The following SUZ12 variants were observed in gnomAD, a reference collection of about 807,000 sequenced individuals.
The protein encoded by SUZ12 is polycomb protein SUZ12.
SUZ12 carries 17 observed loss-of-function variants against 87.3 expected under a neutral mutation model. The observed-to-expected ratio is 0.19, with a 90% CI of 0.13 to 0.29. The LOEUF (loss-of-function observed/expected upper bound fraction) is 0.29. SUZ12 is among the 10% of genes least tolerant of loss of function. The pLI, the probability that SUZ12 is intolerant of heterozygous loss-of-function variation, is 1.00. For synonymous variants in SUZ12, 253 were observed against 312.4 expected (o/e 0.81, Z 2.01); for missense variants, 526 against 912.2 (o/e 0.58, Z 5.45).
At chr17:31,963,477 G>A (rs2142156899) in intron 4 of SUZ12, among the ~76,000 whole-genome samples, 1 of 150,886 alleles carries the variant, frequency 6.6e-6, no homozygotes, top group East Asian at 2.0e-4. Flanking sequence ...AGTTGTGGTG[G>A]TGGTTCTTAG....
At chr17:31,942,131 C>T (rs1249040056) in intron 3 of SUZ12, among the ~76,000 whole-genome samples, 1 of 152,114 alleles carries the variant, frequency 6.6e-6, no homozygotes, top group African/African-American at 2.4e-5. Context: ...AGATGACAGG[C>T]GTGAGCCACT....
intron 8 of SUZ12, among the ~76,000 whole-genome samples, chr17:31,979,049 T>C (rs995833556): frequency 3.7e-5 from 5 of 136,410 alleles, no homozygotes; most frequent in Non-Finnish European, 7.6e-5. Context: ...GAGGTTACAG[T>C]GAGTTGAGAT....
rs1367691437 is a variant in SUZ12 at position 31,972,092 on chromosome 17, T to C, written c.506-1054T>C. 2.0e-5 allele frequency among the ~76,000 whole-genome samples: 3 copies of C among 152,034 alleles called. No individual in the cohort carries two copies. The East Asian group carries it at 5.9e-4, about 30-fold the overall frequency. On this transcript the variant is annotated intron_variant, in intron 5 of 15. Coordinates refer to ENST00000322652, the MANE Select transcript of SUZ12 (RefSeq NM_015355.4). ...TGAGGTCAGGAGTTCAAGACCAGCC[T>C]AGCCAACATGGTGAAACCCCATCTC...
intron 4 of SUZ12, among the ~76,000 whole-genome samples, chr17:31,949,638 C>T (rs563780462): frequency 1.1e-5 from 1 of 95,036 alleles, no homozygotes; most frequent in African/African-American, 4.1e-5. Context: ...TCTAGGATTA[C>T]AGGCACCTGC....
At chr17:31,988,113 C>T (rs1294250765) in intron 9 of SUZ12, among the ~76,000 whole-genome samples, 1 of 152,158 alleles carries the variant, frequency 6.6e-6, no homozygotes, top group Non-Finnish European at 1.5e-5. Context: ...CTCTTTTAGA[C>T]AGCCTGTGCT....
Position 32,000,600 on chromosome 17 carries a change from G to A in SUZ12, c.*1597G>A, listed in dbSNP as rs1364408164. The A allele has an allele frequency of 2.6e-5, 6 of 230,606 alleles. No homozygotes were observed. Among genetic ancestry groups the A allele is most frequent in the South Asian group, 1.8e-4 (1 of 5,450 alleles). The allele number at this position is 230,606 out of a possible 1,614,324, so 14.3% of individuals were successfully genotyped here. On this transcript the variant is annotated 3_prime_UTR_variant, in exon 16 of 16. Coordinates refer to ENST00000322652, the MANE Select transcript of SUZ12 (RefSeq NM_015355.4). Reference sequence around the variant, plus strand: ...ATAGTAGATCTCGAGCGTTTATCTCGGGCTTTAATTTGCTAAAGCTGTGCA... The same window carrying A: ...ATAGTAGATCTCGAGCGTTTATCTCAGGCTTTAATTTGCTAAAGCTGTGCA...
chr17:31,986,795 C>T (rs1909444742), intron 9 of SUZ12, among the ~76,000 whole-genome samples: 1 of 152,160 alleles, frequency 6.6e-6, no homozygotes, highest in Non-Finnish European at 1.5e-5. Context: ...CACGATCTGC[C>T]CTCCTCGGCC....
At chr17:31,997,315 T>C (rs533401237) in intron 15 of SUZ12, among the ~76,000 whole-genome samples, 1 of 152,174 alleles carries the variant, frequency 6.6e-6, no homozygotes, top group African/African-American at 2.4e-5. Flanking sequence ...ACTCTCGTAG[T>C]AGTGTTTCTC....
chr17:31,985,994 G>T (rs961214405), intron 9 of SUZ12, among the ~76,000 whole-genome samples: 1 of 151,354 alleles, frequency 6.6e-6, no homozygotes, highest in Non-Finnish European at 1.5e-5. Context: ...TTGAGATGGA[G>T]TCTCGCTCTG....
intron 3 of SUZ12, among the ~76,000 whole-genome samples, chr17:31,945,167 T>C (rs1276355388): frequency 1.3e-5 from 2 of 151,870 alleles, no homozygotes; most frequent in Non-Finnish European, 2.9e-5. Flanking sequence ...AAAGCACAAC[T>C]CATTTGCTGT....
chr17:31,939,467 AG>A lies in SUZ12; in HGVS notation c.275-817del, dbSNP rs1906136671. On this transcript the variant is annotated intron_variant, in intron 1 of 15. Coordinates refer to ENST00000322652, the MANE Select transcript of SUZ12 (RefSeq NM_015355.4). ...TATTAGGAATGTCTGGATCTGTATT[AG>A]GATGTCATCATATCTGTATTAGGAT... Among the ~76,000 whole-genome samples, 3 of 151,898 alleles carry A rather than the reference AG, an allele frequency of 2.0e-5. No homozygotes were observed. The South Asian group carries it at 6.2e-4, about 32-fold the overall frequency.
At chr17:31,955,370 C>A (rs1254454488) in intron 4 of SUZ12, among the ~76,000 whole-genome samples, 1 of 152,114 alleles carries the variant, frequency 6.6e-6, no homozygotes, top group Non-Finnish European at 1.5e-5. Context: ...TACCCTTGAC[C>A]TCCTGGCCTC....
At chr17:31,990,252 C>CGT (rs772195764) in intron 10 of SUZ12, among the ~76,000 whole-genome samples, 1 of 149,736 alleles carries the variant, frequency 6.7e-6, no homozygotes, top group Non-Finnish European at 1.5e-5. Context: ...AGATTACAGG[C>CGT]GTGACCCACC....
At chr17:31,974,343 C>T (rs867625730) in intron 6 of SUZ12, among the ~76,000 whole-genome samples, 308 of 152,242 alleles carry the variant, frequency 2.0e-3, no homozygotes, top group African/African-American at 6.3e-3. Flanking sequence ...GTGGCTAACA[C>T]GGTGAAATCT....
At chr17:31,991,676 C>T (rs1276538742) in intron 10 of SUZ12, among the ~76,000 whole-genome samples, 3 of 152,016 alleles carry the variant, frequency 2.0e-5, no homozygotes, top group African/African-American at 7.2e-5. Flanking sequence ...GAAACCTCAG[C>T]TCACTGCACC....
At chr17:31,938,250 T>C (rs1906057862) in intron 1 of SUZ12, among the ~76,000 whole-genome samples, 1 of 152,240 alleles carries the variant, frequency 6.6e-6, no homozygotes, top group African/African-American at 2.4e-5. Flanking sequence ...ATAGAATTTA[T>C]TAAAAACATC....
chr17:31,954,182 C>T (rs1178974016), intron 4 of SUZ12, among the ~76,000 whole-genome samples: 2 of 152,166 alleles, frequency 1.3e-5, no homozygotes, highest in Non-Finnish European at 2.9e-5. Context: ...CCTGCCTCAG[C>T]CTCCTGAGTA....
chr17:31,958,534 A>T lies in SUZ12; in HGVS notation c.456-7613A>T, dbSNP rs1307354093. On this transcript the variant is annotated intron_variant, in intron 4 of 15. Transcript: ENST00000322652. ...AGAGCAGCTTGACCAACATGGTAAAAACCCCATCTCTACTAAAAATCCAAA... is the reference window on the plus strand; with the variant it reads ...AGAGCAGCTTGACCAACATGGTAAATACCCCATCTCTACTAAAAATCCAAA... 3.3e-5 allele frequency among the ~76,000 whole-genome samples: 5 copies of T among 151,548 alleles called. No homozygotes were observed. The South Asian group carries it at 1.0e-3, about 32-fold the overall frequency.
chr17:31,947,007 T>C lies in SUZ12; in HGVS notation c.387-610T>C, dbSNP rs889503726. The stretch of plus-strand genomic sequence containing the variant: ...CATATCATTGAGCTTTAGGCTTTGC[T>C]GATAATCTTTGAGGATACCTTGTGA... On this transcript the variant is annotated intron_variant, in intron 3 of 15. Coordinates refer to ENST00000322652, the MANE Select transcript of SUZ12 (RefSeq NM_015355.4). Among the ~76,000 whole-genome samples the C allele has an allele frequency of 1.6e-4, 24 of 152,350 alleles. 1 individual carries two copies. Among genetic ancestry groups the C allele is most frequent in the African/African-American group, 5.3e-4 (22 of 41,596 alleles).
Sources: gnomAD v4.1 joint callset for allele counts (sites outside exome capture counted in the v4.1 genomes callset) on GRCh38, gnomAD v4.1.1 for gene constraint, MANE v1.5 for transcripts, NCBI Gene and HGNC (gene_info 2026-07-23, HGNC 2026-07-21) for gene names.